The following NAALADL2 variants were observed in gnomAD, a reference collection of about 807,000 sequenced individuals.
The protein encoded by NAALADL2 is inactive N-acetylated-alpha-linked acidic dipeptidase-like protein 2.
In NAALADL2, 76 loss-of-function variants were observed where a neutral mutation model predicts 87.2. The observed-to-expected ratio is 0.87, with a 90% CI of 0.72 to 1.05. The LOEUF (loss-of-function observed/expected upper bound fraction) is 1.05. Among genes scored for constraint, NAALADL2 ranks in the 50% least tolerant of loss-of-function variants. The pLI is 0.00. For synonymous variants in NAALADL2, 354 were observed against 331.0 expected (o/e 1.07, Z -0.75); for missense variants, 1,089 against 945.8 (o/e 1.15, Z -1.99).
intron 1 of NAALADL2, among the ~76,000 whole-genome samples, chr3:175,054,976 C>T (rs1278405968): frequency 6.7e-6 from 1 of 148,992 alleles, no homozygotes; most frequent in Non-Finnish European, 1.5e-5. Flanking sequence ...CTTTGATATA[C>T]TTCGGGGGCT....
intron 2 of NAALADL2, among the ~76,000 whole-genome samples, chr3:174,669,889 ATT>A (rs1255333883): frequency 6.6e-6 from 1 of 151,746 alleles, no homozygotes; most frequent in Non-Finnish European, 1.5e-5. Context: ...CCTTTCTCTT[ATT>A]TGTGTCTTTT....
At chr3:175,362,453 G>T (rs1343170845) in intron 5 of NAALADL2, among the ~76,000 whole-genome samples, 5 of 147,760 alleles carry the variant, frequency 3.4e-5, no homozygotes, top group African/African-American at 1.2e-4. Context: ...AAATTACCTT[G>T]GGCAGTTATG....
intron 1 of NAALADL2, among the ~76,000 whole-genome samples, chr3:175,036,626 C>T (rs1170819880): frequency 6.6e-6 from 1 of 152,028 alleles, no homozygotes; most frequent in African/African-American, 2.4e-5. Context: ...GTCTCGATCT[C>T]CTGACCTCGT....
chr3:175,393,597 G>C, intron 5 of NAALADL2, among the ~76,000 whole-genome samples: 1 of 151,868 alleles, frequency 6.6e-6, no homozygotes, highest in East Asian at 1.9e-4. Flanking sequence ...ATCATTTTGT[G>C]CTCACCCTAT....
intron 3 of NAALADL2, among the ~76,000 whole-genome samples, chr3:174,755,783 A>T (rs1431703033): frequency 6.6e-6 from 1 of 152,236 alleles, no homozygotes; most frequent in Non-Finnish European, 1.5e-5. Flanking sequence ...TGCTTACCTG[A>T]TACATAATAG....
intron 4 of NAALADL2, among the ~76,000 whole-genome samples, chr3:175,320,309 T>A (rs559373847): frequency 6.6e-6 from 1 of 152,252 alleles, no homozygotes; most frequent in East Asian, 1.9e-4. Flanking sequence ...ATCATACTTA[T>A]GTATTGTGTG....
At position 175,755,251 on chromosome 3, in the gene NAALADL2, C is replaced by T. The variant is rs1310871616; in HGVS notation, c.2022C>T (p.Ala674=). The T allele has an allele frequency of 6.2e-7, 1 of 1,613,212 alleles. No homozygotes were observed. The highest frequency in any genetic ancestry group is 8.5e-7 in the Non-Finnish European group (1 of 1,179,758). ...AACCCAACACTCATCAACTGTTAGCCATGGCGTTACGCCTGCGGGAGAGTG... is the reference window on the plus strand; with the variant it reads ...AACCCAACACTCATCAACTGTTAGCTATGGCGTTACGCCTGCGGGAGAGTG... ...GDQPNTHQLL[A]MALRLRESAE... The change falls in exon 13 of 14, where the codon GCC becomes GCT. Residue 674 remains alanine, a synonymous_variant. Transcript: ENST00000454872.
chr3:175,346,249 A>G (rs1763144933), intron 5 of NAALADL2, among the ~76,000 whole-genome samples: 1 of 151,892 alleles, frequency 6.6e-6, no homozygotes, highest in Admixed American at 6.6e-5. Flanking sequence ...AACTTCACTG[A>G]TTTTTTTTAG....
intron 4 of NAALADL2, among the ~76,000 whole-genome samples, chr3:175,308,111 A>G (rs746274313): frequency 3.9e-5 from 6 of 152,194 alleles, no homozygotes; most frequent in Non-Finnish European, 8.8e-5. Context: ...TGGGATAGAC[A>G]TTTTTACAGA....
At position 175,245,203 on chromosome 3, in the gene NAALADL2, T is replaced by C. The variant is rs574521746; in HGVS notation, c.819+10999T>C. Among the ~76,000 whole-genome samples the C allele has an allele frequency of 8.5e-5, 13 of 152,266 alleles. No individual in the cohort carries two copies. The South Asian group carries it at 2.7e-3, about 32-fold the overall frequency. ...AAAGGAAAGATGCTATGGCCAATTA[T>C]GTTATATTTTTAAATGTTGACCAAA... On this transcript the variant is annotated intron_variant, in intron 3 of 13. Coordinates refer to ENST00000454872, the MANE Select transcript of NAALADL2 (RefSeq NM_207015.3).
intron 2 of NAALADL2, among the ~76,000 whole-genome samples, chr3:174,693,845 A>G (rs1728798767): frequency 6.6e-6 from 1 of 152,120 alleles, no homozygotes; most frequent in Non-Finnish European, 1.5e-5. Flanking sequence ...TCTTCTAGTC[A>G]CAGATCATTT....
chr3:174,479,223 G>A (rs969358768), intron 1 of NAALADL2, among the ~76,000 whole-genome samples: 7 of 152,054 alleles, frequency 4.6e-5, no homozygotes, highest in Admixed American at 1.3e-4. Flanking sequence ...AGATTTAATC[G>A]AAGTTTAATG....
At chr3:175,033,961 G>A (rs190591840) in intron 1 of NAALADL2, among the ~76,000 whole-genome samples, 53 of 152,218 alleles carry the variant, frequency 3.5e-4, no homozygotes, top group African/African-American at 1.0e-3. Context: ...AAAGCAAAAC[G>A]TATGAAGCCT....
chr3:175,537,694 T>A (rs1711526594), intron 9 of NAALADL2, among the ~76,000 whole-genome samples: 1 of 152,182 alleles, frequency 6.6e-6, no homozygotes, highest in Admixed American at 6.5e-5. Context: ...AGAATCTCAC[T>A]ACCTGACATT....
chr3:174,687,600 TCGA>T (rs1728166380), intron 2 of NAALADL2, among the ~76,000 whole-genome samples: 1 of 152,050 alleles, frequency 6.6e-6, no homozygotes, highest in Non-Finnish European at 1.5e-5. Context: ...CAAAAATAAA[TCGA>T]CAAGTGCAAT....
At chr3:175,086,197 A>C (rs374537177) in intron 1 of NAALADL2, among the ~76,000 whole-genome samples, 3 of 152,196 alleles carry the variant, frequency 2.0e-5, no homozygotes, top group Non-Finnish European at 4.4e-5. Flanking sequence ...TTCTAAGAAA[A>C]CATCCACTGG....
chr3:174,763,829 CA>C (rs5854592), intron 3 of NAALADL2, among the ~76,000 whole-genome samples: 92,531 of 138,146 alleles, frequency 0.67, 29,360 homozygotes, highest in East Asian at 0.79. Flanking sequence ...CAAAACAAAA[CA>C]AAAAAAAAAA....
chr3:175,576,025 A>C lies in NAALADL2; in HGVS notation c.1654-16A>C. 1 of 1,606,130 alleles carries C rather than the reference A, an allele frequency of 6.2e-7. No individual in the cohort carries two copies. Among genetic ancestry groups the C allele is most frequent in the Non-Finnish European group, 8.5e-7 (1 of 1,175,742 alleles). Reference sequence around the variant, plus strand: ...GAAGCATAGTATGTGTTAACAATTTAAATTATGTTTTTCAGAAAAATAATT... The same window carrying C: ...GAAGCATAGTATGTGTTAACAATTTCAATTATGTTTTTCAGAAAAATAATT... On this transcript the variant is annotated splice_polypyrimidine_tract_variant and intron_variant, in intron 9 of 13. Transcript: ENST00000454872.
At chr3:174,708,919 C>A (rs11719844) in intron 2 of NAALADL2, among the ~76,000 whole-genome samples, 43,917 of 151,912 alleles carry the variant, frequency 0.29, 6,759 homozygotes, top group East Asian at 0.43. Flanking sequence ...TAAATAAAGT[C>A]CATTCTTTGA....
Sources: allele counts gnomAD v4.1 joint callset (sites outside exome capture counted in the v4.1 genomes callset), GRCh38; gene constraint gnomAD v4.1.1; transcripts MANE v1.5; gene names NCBI Gene and HGNC (gene_info 2026-07-23, HGNC 2026-07-21).